Variants in FOXK1 observed in about 807,000 individuals in gnomAD.
FOXK1 encodes the protein forkhead box protein K1.
In FOXK1, 19 loss-of-function variants were observed where a neutral mutation model predicts 51.9. The ratio of observed to expected loss-of-function variants is 0.37; its 90% confidence interval spans 0.26 to 0.54. FOXK1 has a LOEUF of 0.54. Among genes scored for constraint, FOXK1 ranks in the 20% least tolerant of loss-of-function variants. The pLI, the probability that FOXK1 is intolerant of heterozygous loss-of-function variation, is 0.87. For missense variants in FOXK1, 870 were observed against 1,032.7 expected, an observed-to-expected ratio of 0.84 and a Z score of 2.16; for synonymous variants, 537 against 482.6, an observed-to-expected ratio of 1.11 and a Z score of -1.48.
chr7:4,725,490 C>A (rs938691104), intron 1 of FOXK1, among the ~76,000 whole-genome samples: 1 of 152,250 alleles, frequency 6.6e-6, no homozygotes, highest in Non-Finnish European at 1.5e-5. Context: ...GGCAGAGGCC[C>A]GGGGCCAGAT....
At chr7:4,712,127 T>C (rs1780182765) in intron 1 of FOXK1, among the ~76,000 whole-genome samples, 1 of 151,810 alleles carries the variant, frequency 6.6e-6, no homozygotes, top group African/African-American at 2.4e-5. Flanking sequence ...CTTTATACCA[T>C]AAGATGGGGA....
chr7:4,741,131 G>A (rs1446737099), intron 2 of FOXK1, 108 bp downstream of exon 2: 1 of 760,278 alleles, frequency 1.3e-6, no homozygotes, highest in Non-Finnish European at 1.9e-6. Flanking sequence ...AAAGTTGCAC[G>A]TGCATGGAAA....
chr7:4,682,970 C>A lies in FOXK1; in HGVS notation c.560+102C>A. The A allele has an allele frequency of 8.3e-7, 1 of 1,208,434 alleles. No homozygotes were observed. The highest frequency in any genetic ancestry group is 1.1e-6 in the Non-Finnish European group (1 of 912,280). The allele number at this position is 1,208,434 out of a possible 1,614,324, so 74.9% of individuals were successfully genotyped here. A position where few individuals can be genotyped will look rare whatever the true frequency, so the allele number is the denominator to read the frequency against. On this transcript the variant is annotated intron_variant, in intron 1 of 8. Transcript: ENST00000328914. The surrounding 1 kb of genome is among the most constrained non-coding windows in gnomAD (Gnocchi z 7.6). The stretch of plus-strand genomic sequence containing the variant: ...GATCCCCCTCCAGCTTCCTCGGCCT[C>A]GACCCCCACCCCCCGGCCCACCCCC...
Position 4,700,169 on chromosome 7 carries a change from G to A in FOXK1, c.560+17301G>A, listed in dbSNP as rs530047655. Among the ~76,000 whole-genome samples the A allele has an allele frequency of 1.2e-4, 19 of 152,320 alleles. No homozygotes were observed. The East Asian group carries it at 3.7e-3, about 29-fold the overall frequency. ...CCCTGTGTGGCCTGTCGTTGTTTGT[G>A]GTTATATTTATCTGAGACACCTGAG... is the stretch of plus-strand genomic sequence containing the variant. On this transcript the variant is annotated intron_variant, in intron 1 of 8. Coordinates refer to ENST00000328914, the MANE Select transcript of FOXK1 (RefSeq NM_001037165.2).
intron 1 of FOXK1, among the ~76,000 whole-genome samples, chr7:4,719,260 G>A (rs151038832): frequency 0.04 from 6,130 of 152,004 alleles, 209 homozygotes; most frequent in Middle Eastern, 0.089. Context: ...TCAGCCTCCC[G>A]AGTAGCTGGG....
Position 4,705,552 on chromosome 7 carries a change from T to TCGCTCTCG in FOXK1, c.560+22685_560+22686insGCTCTCGC, listed in dbSNP as rs760518643. Among the ~76,000 whole-genome samples, 401 of 143,688 alleles carry TCGCTCTCG rather than the reference T, an allele frequency of 2.8e-3. 1 individual carries two copies. Among genetic ancestry groups the TCGCTCTCG allele is most frequent in the African/African-American group, 6.1e-3 (227 of 37,218 alleles). The allele number at this position is 143,688 out of a possible 152,430, so 94.3% of individuals were successfully genotyped here. A position where few individuals can be genotyped will look rare whatever the true frequency, so the allele number is the denominator to read the frequency against. On this transcript the variant is annotated intron_variant, in intron 1 of 8. Transcript: ENST00000328914. ...CTCTCTCTCTCTCTCTCTCTCTCTCTCTCTCTCGCTCTCGCTCTCTCGTCG... is the reference window on the plus strand; with the variant it reads ...CTCTCTCTCTCTCTCTCTCTCTCTCTCGCTCTCGCTCTCTCGCTCTCGCTCTCTCGTCG...
Position 4,755,533 on chromosome 7 carries a change from G to C in FOXK1, c.1050+150G>C. 2 of 1,079,218 alleles carry C rather than the reference G, an allele frequency of 1.9e-6. No homozygotes were observed. Among genetic ancestry groups the C allele is most frequent in the Non-Finnish European group, 2.6e-6 (2 of 766,012 alleles). 66.9% of individuals were successfully genotyped at this position (1,079,218 alleles called of 1,614,324 possible). A position where few individuals can be genotyped will look rare whatever the true frequency, so the allele number is the denominator to read the frequency against. ...TTTTGTGAGGCCGAGGCAGGAGGAGGATCAAGACCAGCCTGTGCAACATAG... is the reference window on the plus strand; with the variant it reads ...TTTTGTGAGGCCGAGGCAGGAGGAGCATCAAGACCAGCCTGTGCAACATAG... On this transcript the variant is annotated intron_variant, in intron 4 of 8. Transcript: ENST00000328914. The surrounding 1 kb of genome is among the most constrained non-coding windows in gnomAD (Gnocchi z 6.6).
chr7:4,738,412 G>A (rs1055699334), intron 1 of FOXK1, among the ~76,000 whole-genome samples: 6 of 151,298 alleles, frequency 4.0e-5, no homozygotes, highest in South Asian at 2.1e-4. Flanking sequence ...ATTCCAGCCC[G>A]GATGACAGAG....
At chr7:4,699,409 C>G (rs1389770353) in intron 1 of FOXK1, among the ~76,000 whole-genome samples, 1 of 149,762 alleles carries the variant, frequency 6.7e-6, no homozygotes, top group Non-Finnish European at 1.5e-5. Flanking sequence ...CACTCTGTCA[C>G]CCAGGCCGGA....
intron 1 of FOXK1, among the ~76,000 whole-genome samples, chr7:4,694,088 T>C (rs1047809123): frequency 6.6e-6 from 1 of 152,148 alleles, no homozygotes; most frequent in African/African-American, 2.4e-5. Flanking sequence ...TGTCTCACTA[T>C]GTTGCCCAGG....
chr7:4,737,579 C>G (rs1202841735), intron 1 of FOXK1, among the ~76,000 whole-genome samples: 2 of 142,656 alleles, frequency 1.4e-5, no homozygotes, highest in Admixed American at 7.2e-5. Context: ...TGTGTGCATG[C>G]ATGTGTTGAT....
chr7:4,740,600 C>T (rs1583204196), intron 1 of FOXK1, among the ~76,000 whole-genome samples: 1 of 151,868 alleles, frequency 6.6e-6, no homozygotes, highest in East Asian at 1.9e-4. Flanking sequence ...GACAGCGAGA[C>T]TCCCTCTCAA....
rs761577677 is a variant in FOXK1 at position 4,682,779 on chromosome 7, C to A, written c.471C>A (p.His157Gln). ...RHLQLSFQEP[H>Q]FYLRCLGKNG... is the part of the protein sequence containing the mutation. The stretch of plus-strand genomic sequence containing the variant: ...TGCAGCTCAGCTTCCAGGAGCCGCA[C>A]TTCTACCTGCGCTGCCTCGGCAAGA... Residue 157 changes from histidine to glutamine, a missense_variant, in exon 1 of 9, where the codon CAC (histidine) becomes CAA (glutamine). His to Gln is a conservative substitution (Grantham distance 24). Around this residue, in one of 3 missense-constraint regions of FOXK1, gnomAD observed 399 missense variants for 475.6 expected, o/e 0.84. Transcript: ENST00000328914. The surrounding 1 kb of genome is among the most constrained non-coding windows in gnomAD (Gnocchi z 7.6). The A allele has an allele frequency of 7.5e-6, 12 of 1,594,106 alleles. No individual in the cohort carries two copies. Among genetic ancestry groups the A allele is most frequent in the Non-Finnish European group, 8.5e-6 (10 of 1,176,280 alleles).
At chr7:4,713,664 G>A (rs763241470) in intron 1 of FOXK1, among the ~76,000 whole-genome samples, 1 of 149,790 alleles carries the variant, frequency 6.7e-6, no homozygotes, top group East Asian at 2.0e-4. Context: ...GCTAATTTTT[G>A]TAATGTTAGT....
chr7:4,761,055 G>T lies in FOXK1; in HGVS notation c.1697-9G>T. The T allele has an allele frequency of 6.2e-7, 1 of 1,608,020 alleles. No individual in the cohort carries two copies. ...CGAGTGTGGTGCTGACTTGGTTCCTGTCCCGCAGGCCTGGAGGAGAAACCC... is the reference window on the plus strand; with the variant it reads ...CGAGTGTGGTGCTGACTTGGTTCCTTTCCCGCAGGCCTGGAGGAGAAACCC... On this transcript the variant is annotated splice_polypyrimidine_tract_variant and intron_variant, in intron 7 of 8. Coordinates refer to ENST00000328914, the MANE Select transcript of FOXK1 (RefSeq NM_001037165.2). This position sits in a 1 kb window ranked among gnomAD's most constrained non-coding sequence, Gnocchi z 6.2.
rs1779769413 is a variant in FOXK1, at chr7:4,682,842, C to A, written c.534C>A (p.Gly178=). The change falls in exon 1 of 9, where the codon GGC becomes GGA. Residue 178 remains glycine, a synonymous_variant. Transcript: ENST00000328914. This position sits in a 1 kb window ranked among gnomAD's most constrained non-coding sequence, Gnocchi z 7.6. Reference sequence around the variant, plus strand: ...TGGACGGGGCCTTCCAGAGACGCGGCGCGCCCGCCCTGCAGCTGCCCAAGC... The same window carrying A: ...TGGACGGGGCCTTCCAGAGACGCGGAGCGCCCGCCCTGCAGCTGCCCAAGC... The part of the protein sequence containing the change: ...VFVDGAFQRR[G]APALQLPKQC... The A allele has an allele frequency of 5.8e-6, 9 of 1,561,444 alleles. No homozygotes were observed. The highest frequency in any genetic ancestry group is 6.9e-6 in the Non-Finnish European group (8 of 1,159,330).
At chr7:4,732,606 C>T (rs150967151) in intron 1 of FOXK1, among the ~76,000 whole-genome samples, 1 of 152,320 alleles carries the variant, frequency 6.6e-6, no homozygotes, top group East Asian at 1.9e-4. Context: ...GCATGAGCCA[C>T]CGCGCCAGCC....
Position 4,748,677 on chromosome 7 carries a change from G to A in FOXK1, c.747-5782G>A, listed in dbSNP as rs1780736415. On this transcript the variant is annotated intron_variant, in intron 2 of 8. Transcript: ENST00000328914. The surrounding 1 kb of genome is among the most constrained non-coding windows in gnomAD (Gnocchi z 4.9). ...TTGTTTTACCAGAGTCCATCCCCCA[G>A]TCGCTTCCTGGGAAAGGGCACAGGA... 6.6e-6 allele frequency among the ~76,000 whole-genome samples: 1 copy of A among 152,168 alleles called. No homozygotes were observed. The highest frequency in any genetic ancestry group is 2.4e-5 in the African/African-American group (1 of 41,420).
chr7:4,685,445 A>G (rs1364754957), intron 1 of FOXK1, among the ~76,000 whole-genome samples: 3 of 149,658 alleles, frequency 2.0e-5, no homozygotes, highest in African/African-American at 4.9e-5. Flanking sequence ...CGATCTCCTG[A>G]CCTCGTGATC....
Sources: allele counts gnomAD v4.1 joint callset (sites outside exome capture counted in the v4.1 genomes callset), GRCh38; gene constraint gnomAD v4.1.1; regional missense constraint gnomAD v4.1.1; non-coding constraint Gnocchi (gnomAD v3.1); transcripts MANE v1.5; gene names NCBI Gene and HGNC (gene_info 2026-07-23, HGNC 2026-07-21).